Variants in EIPR1 observed in about 807,000 individuals in gnomAD.
EIPR1 encodes EARP and GARP complex-interacting protein 1.
EIPR1 carries 25 observed loss-of-function variants against 48.1 expected under a neutral mutation model. That is an observed-to-expected ratio of 0.52 (90% CI 0.38 to 0.73). The LOEUF (loss-of-function observed/expected upper bound fraction) is 0.73, where lower values mean the gene tolerates loss of function less well. Among genes scored for constraint, EIPR1 ranks in the 30% least tolerant of loss-of-function variants. The pLI is 0.00. For missense variants in EIPR1, 415 were observed against 506.2 expected (o/e 0.82, Z 1.73); for synonymous variants, 204 against 201.9 (o/e 1.01, Z -0.09).
At chr2:3,258,585 A>C (rs1457855310) in intron 3 of EIPR1, among the ~76,000 whole-genome samples, 1 of 152,226 alleles carries the variant, frequency 6.6e-6, no homozygotes, top group Admixed American at 6.5e-5. Context: ...ACAATCGAAA[A>C]TGTATCACTT....
rs371257271 is a variant in EIPR1 at position 3,346,794 on chromosome 2, A to G, written c.126+7756T>C. On this transcript the variant is annotated intron_variant, in intron 2 of 8. Coordinates refer to ENST00000382125, the MANE Select transcript of EIPR1 (RefSeq NM_003310.5). ...TTGTAGGAGAGATCAGGACTCAAAA[A>G]CCTTGGACAAAAATCATAAATTTCT... Among the ~76,000 whole-genome samples, 3 of 152,290 alleles carry G rather than the reference A, an allele frequency of 2.0e-5. No homozygotes were observed. The South Asian group carries it at 6.2e-4, about 32-fold the overall frequency.
intron 4 of EIPR1, among the ~76,000 whole-genome samples, chr2:3,227,743 G>A (rs992927810): frequency 2.6e-5 from 4 of 152,242 alleles, no homozygotes; most frequent in Non-Finnish European, 5.9e-5. Context: ...CCTGCTCTGT[G>A]CAGCCTTGGG....
intron 3 of EIPR1, chr2:3,274,280 C>A: frequency 6.6e-7 from 1 of 1,520,958 alleles, no homozygotes; most frequent in East Asian, 2.5e-5. Context: ...AAAATATATC[C>A]ACTCCTGGAC....
intron 2 of EIPR1, among the ~76,000 whole-genome samples, chr2:3,347,552 T>C (rs1273641783): frequency 3.9e-5 from 6 of 152,204 alleles, no homozygotes; most frequent in Admixed American, 3.3e-4. Context: ...TGTGAGTCCA[T>C]TAAACCTCTT....
At chr2:3,266,002 A>G (rs978417847) in intron 3 of EIPR1, among the ~76,000 whole-genome samples, 1 of 152,220 alleles carries the variant, frequency 6.6e-6, no homozygotes, top group African/African-American at 2.4e-5. Context: ...ACAAGAGCTC[A>G]AGGCCCTTAA....
rs56349849 is a variant in EIPR1 at position 3,218,917 on chromosome 2, G to A, written c.417-4669C>T. 4.1e-3 allele frequency among the ~76,000 whole-genome samples: 613 copies of A among 148,802 alleles called. 3 individuals are homozygous for A. Among genetic ancestry groups the A allele is most frequent in the South Asian group, 0.029 (133 of 4,540 alleles). On this transcript the variant is annotated intron_variant, in intron 4 of 8. Coordinates refer to ENST00000382125, the MANE Select transcript of EIPR1 (RefSeq NM_003310.5). ...TCAGGTGCACACCCAACACGGCCCC[G>A]ATACGCTCTAGAGCATTCACAGTGA...
chr2:3,282,216 G>C (rs941668383), intron 3 of EIPR1, among the ~76,000 whole-genome samples: 1 of 152,192 alleles, frequency 6.6e-6, no homozygotes, highest in African/African-American at 2.4e-5. Flanking sequence ...CACCAGCCCC[G>C]GGCCACCGTC....
chr2:3,202,057 C>T (rs1665057077), intron 5 of EIPR1, among the ~76,000 whole-genome samples: 1 of 152,144 alleles, frequency 6.6e-6, no homozygotes, highest in South Asian at 2.1e-4. Flanking sequence ...CCTGCCTCAG[C>T]CTCCCGAGTA....
intron 3 of EIPR1, among the ~76,000 whole-genome samples, chr2:3,305,116 C>T (rs1206177510): frequency 2.1e-5 from 3 of 143,380 alleles, no homozygotes; most frequent in East Asian, 2.2e-4. Context: ...CCTCCACTCC[C>T]GTCCAGTTCA....
chr2:3,189,072 T>G lies in EIPR1; in HGVS notation c.*262A>C. On this transcript the variant is annotated 3_prime_UTR_variant, in exon 9 of 9. Transcript: ENST00000382125. The surrounding 1 kb of genome is among the most constrained non-coding windows in gnomAD (Gnocchi z 4.6). ...TTAAAAAGCGAAACTCCTGACACCC[T>G]TAAAACAGAAAACATTGTTATTCAC... The G allele has an allele frequency of 2.9e-6, 1 of 349,844 alleles. No homozygotes were observed. Among genetic ancestry groups the G allele is most frequent in the Non-Finnish European group, 5.1e-6 (1 of 195,404 alleles). The allele number at this position is 349,844 out of a possible 1,614,324, so 21.7% of individuals were successfully genotyped here. A position where few individuals can be genotyped will look rare whatever the true frequency, so the allele number is the denominator to read the frequency against.
intron 1 of EIPR1, among the ~76,000 whole-genome samples, chr2:3,357,458 A>G (rs1364151050): frequency 6.6e-6 from 1 of 152,236 alleles, no homozygotes; most frequent in Non-Finnish European, 1.5e-5. Flanking sequence ...GATGAAACAT[A>G]ACCTACCTTA....
In EIPR1 at chr2:3,189,583, A is replaced by T; in HGVS notation, c.990-75T>A. ...GCAGGAGAGGGGCAGGGAGGACGCGAGCGCTGACATCGGGAGACACGGGAG... is the reference window on the plus strand; with the variant it reads ...GCAGGAGAGGGGCAGGGAGGACGCGTGCGCTGACATCGGGAGACACGGGAG... On this transcript the variant is annotated intron_variant, in intron 8 of 8. Coordinates refer to ENST00000382125, the MANE Select transcript of EIPR1 (RefSeq NM_003310.5). The surrounding 1 kb of genome is among the most constrained non-coding windows in gnomAD (Gnocchi z 4.6). 1 of 1,390,226 alleles carries T rather than the reference A, an allele frequency of 7.2e-7. No homozygotes were observed. Among genetic ancestry groups the T allele is most frequent in the South Asian group, 1.6e-5 (1 of 63,448 alleles). 86.1% of individuals were successfully genotyped at this position (1,390,226 alleles called of 1,614,324 possible).
At position 3,305,023 on chromosome 2, in the gene EIPR1, CTGT is replaced by C. The variant is rs1558286494; in HGVS notation, c.259+32991_259+32993del. 1.1e-3 allele frequency among the ~76,000 whole-genome samples: 127 copies of C among 119,410 alleles called. 1 individual carries two copies. The highest frequency in any genetic ancestry group is 3.8e-3 in the African/African-American group (119 of 31,136). 78.3% of individuals were successfully genotyped at this position (119,410 alleles called of 152,430 possible). ...TCCCGTCCAGTTCAACCCTCCACTC[CTGT>C]CCAGTTCAACCCTCCACTCCCGTCC... On this transcript the variant is annotated intron_variant, in intron 3 of 8. Transcript: ENST00000382125.
At position 3,290,751 on chromosome 2, in the gene EIPR1, G is replaced by C. The variant is rs138117638; in HGVS notation, c.260-33296C>G. 5.7e-3 allele frequency among the ~76,000 whole-genome samples: 868 copies of C among 152,356 alleles called. 6 individuals are homozygous for C. The highest frequency in any genetic ancestry group is 0.02 in the African/African-American group (815 of 41,580). On this transcript the variant is annotated intron_variant, in intron 3 of 8. Coordinates refer to ENST00000382125, the MANE Select transcript of EIPR1 (RefSeq NM_003310.5). ...CACTTCAGTGGGGCTGAGCGCACTT[G>C]CTGTGACAGGAGAGGCCCCATGAAA...
At chr2:3,197,533 G>A (rs555098872) in intron 5 of EIPR1, among the ~76,000 whole-genome samples, 1 of 152,292 alleles carries the variant, frequency 6.6e-6, no homozygotes, top group African/African-American at 2.4e-5. Flanking sequence ...GACCATGAAG[G>A]CCTCAGCAAG....
chr2:3,294,584 CA>C (rs1668474855), intron 3 of EIPR1, among the ~76,000 whole-genome samples: 1 of 143,392 alleles, frequency 7.0e-6, no homozygotes, highest in Non-Finnish European at 1.5e-5. Flanking sequence ...ATCCTCTGCA[CA>C]CATACACCCT....
intron 3 of EIPR1, among the ~76,000 whole-genome samples, chr2:3,307,537 G>A (rs1050148296): frequency 6.6e-6 from 1 of 152,204 alleles, no homozygotes; most frequent in Non-Finnish European, 1.5e-5. Context: ...GCACCAGGCA[G>A]CCAGGAAACA....
intron 3 of EIPR1, among the ~76,000 whole-genome samples, chr2:3,325,201 C>T (rs1669657823): frequency 1.3e-5 from 2 of 152,218 alleles, no homozygotes; most frequent in South Asian, 2.1e-4. Context: ...TCAGGACCAC[C>T]CCAAATATCA....
intron 3 of EIPR1, among the ~76,000 whole-genome samples, chr2:3,308,619 C>T (rs1358993398): frequency 6.6e-6 from 1 of 152,098 alleles, no homozygotes. Flanking sequence ...ACAGAGAGTC[C>T]TCGAATTTGG....
Sources: gnomAD v4.1 joint callset for allele counts (sites outside exome capture counted in the v4.1 genomes callset) on GRCh38, gnomAD v4.1.1 for gene constraint, Gnocchi (gnomAD v3.1) non-coding constraint, MANE v1.5 for transcripts, NCBI Gene and HGNC (gene_info 2026-07-23, HGNC 2026-07-21) for gene names.